MGST2: variants seen among roughly 807,000 people sequenced by gnomAD.
The protein encoded by MGST2 is glutathione peroxidase MGST2.
In MGST2, 9 loss-of-function variants were observed where a neutral mutation model predicts 16.6. The ratio of observed to expected loss-of-function variants is 0.54; its 90% CI spans 0.33 to 0.95. The LOEUF (loss-of-function observed/expected upper bound fraction) is 0.95, where lower values mean the gene tolerates loss of function less well. Among genes scored for constraint, MGST2 ranks in the 40% least tolerant of loss-of-function variants. The pLI is 0.03. For missense variants in MGST2, 159 were observed against 175.1 expected (o/e 0.91, Z 0.52); for synonymous variants, 79 against 68.0 (o/e 1.16, Z -0.79).
chr4:139,754,291 T>C, the MGST2 span, among the ~76,000 whole-genome samples: 2 of 152,244 alleles, frequency 1.3e-5, no homozygotes, highest in Non-Finnish European at 2.9e-5. Context: ...ATTATTTTCT[T>C]CTTGATTATA....
At chr4:139,713,377 A>G (rs1268490974) in intron 5 of MGST2, among the ~76,000 whole-genome samples, 1 of 150,470 alleles carries the variant, frequency 6.6e-6, no homozygotes, top group Admixed American at 6.7e-5. Context: ...TGTTTTTCCC[A>G]ATGAGTCTGT....
chr4:139,719,898 T>C (rs1728159994), intron 5 of MGST2: 1 of 1,613,904 alleles, frequency 6.2e-7, no homozygotes, highest in Admixed American at 1.7e-5. Context: ...CTCTGCAGCC[T>C]TGGAGGGGCT....
intron 5 of MGST2, among the ~76,000 whole-genome samples, chr4:139,729,333 A>C (rs1728607590): frequency 6.6e-6 from 1 of 152,096 alleles, no homozygotes; most frequent in African/African-American, 2.4e-5. Context: ...AATTTGCAAA[A>C]TTCTGGCAGG....
Position 139,715,186 on chromosome 4 carries a change from T to G in MGST2, c.*48+10990T>G, listed in dbSNP as rs900837161. Among the ~76,000 whole-genome samples, 2 of 152,102 alleles carry G rather than the reference T, an allele frequency of 1.3e-5. No individual in the cohort carries two copies. The highest frequency in any genetic ancestry group is 4.8e-5 in the African/African-American group (2 of 41,422). On this transcript the variant is annotated intron_variant, in intron 5 of 5. Transcript: ENST00000616265. The surrounding 1 kb of genome is among the most constrained non-coding windows in gnomAD (Gnocchi z 4.4). ...ATCTTAGGAGAGACTCTAACTCCAC[T>G]AAGCTGGGCCTCTAACCCAATCCCA... is the stretch of plus-strand genomic sequence containing the variant.
rs753258134 is a variant in MGST2, at chr4:139,725,762, T to G, written c.*49-14450T>G. ...TGCACTGGCCTCACCTTGAAACTGA[T>G]TGACCTGCTGCACTGGGTATGGATT... is the stretch of plus-strand genomic sequence containing the variant. On this transcript the variant is annotated intron_variant, in intron 5 of 5. Coordinates refer to the MGST2 transcript ENST00000616265. 1.2e-5 allele frequency: 19 copies of G among 1,613,864 alleles called. No individual in the cohort carries two copies. The East Asian group carries it at 2.2e-4, about 19-fold the overall frequency.
downstream of MGST2, among the ~76,000 whole-genome samples, chr4:139,706,618 T>C (rs1279346551): frequency 6.6e-6 from 1 of 152,146 alleles, no homozygotes; most frequent in East Asian, 1.9e-4. Context: ...ATCTTACAAC[T>C]GAAGATTTTT....
chr4:139,754,402 ATTTCCAACCAAAAC>A, the MGST2 span, among the ~76,000 whole-genome samples: 1 of 152,362 alleles, frequency 6.6e-6, no homozygotes, highest in South Asian at 2.1e-4. Context: ...CACTCAATGT[ATTTCCAACCAAAAC>A]ATTCATTCAA....
intron 1 of MGST2, among the ~76,000 whole-genome samples, chr4:139,671,882 T>G (rs899086452): frequency 6.6e-6 from 1 of 152,082 alleles, no homozygotes; most frequent in African/African-American, 2.4e-5. Context: ...CCTCAAGTGA[T>G]CCACCCGCCT....
At chr4:139,734,717 A>G (rs1485939289) in intron 5 of MGST2, among the ~76,000 whole-genome samples, 1 of 152,270 alleles carries the variant, frequency 6.6e-6, no homozygotes, top group East Asian at 1.9e-4. Context: ...CCAGCTGTTT[A>G]TTTATAAATC....
intron 1 of MGST2, among the ~76,000 whole-genome samples, chr4:139,667,674 A>G (rs940501491): frequency 6.6e-6 from 1 of 152,090 alleles, no homozygotes; most frequent in African/African-American, 2.4e-5. Context: ...CCTGGCCAAC[A>G]TGGTGAAACT....
chr4:139,666,701 A>T (rs1054820286), intron 1 of MGST2, among the ~76,000 whole-genome samples: 20 of 152,176 alleles, frequency 1.3e-4, no homozygotes, highest in Admixed American at 1.2e-3. Context: ...CATTTGCTCA[A>T]TTCATATTAT....
intron 3 of MGST2, among the ~76,000 whole-genome samples, chr4:139,703,191 T>G (rs1285993200): frequency 6.6e-6 from 1 of 151,916 alleles, no homozygotes; most frequent in Non-Finnish European, 1.5e-5. Flanking sequence ...CCTCTCAAAG[T>G]GTTGGGAATA....
intron 5 of MGST2, chr4:139,730,678 A>G (rs758627315): frequency 1.9e-6 from 3 of 1,608,032 alleles, no homozygotes; most frequent in Admixed American, 3.3e-5. Flanking sequence ...CTGGGAAGAC[A>G]AGAGAGAGGG....
intron 3 of MGST2, among the ~76,000 whole-genome samples, chr4:139,700,458 A>AT (rs1259175133): frequency 1.3e-5 from 2 of 152,116 alleles, no homozygotes; most frequent in African/African-American, 4.8e-5. Context: ...AGTTTTATGC[A>AT]TACATTGTCC....
At chr4:139,729,180 G>T (rs900098867) in intron 5 of MGST2, among the ~76,000 whole-genome samples, 3 of 140,278 alleles carry the variant, frequency 2.1e-5, no homozygotes, top group Admixed American at 1.4e-4. Context: ...AAAAAAAAAA[G>T]GGAACATAAG....
At chr4:139,700,234 C>G (rs895725232) in intron 3 of MGST2, among the ~76,000 whole-genome samples, 4 of 149,914 alleles carry the variant, frequency 2.7e-5, no homozygotes, top group Non-Finnish European at 5.9e-5. Flanking sequence ...CGGGTTCACG[C>G]CATTCTCCTG....
At chr4:139,712,067 T>A (rs1010628065) in intron 5 of MGST2, among the ~76,000 whole-genome samples, 9 of 152,180 alleles carry the variant, frequency 5.9e-5, no homozygotes, top group African/African-American at 2.2e-4. Context: ...TGTTCTGTAT[T>A]CCTACACAAA....
intron 5 of MGST2, among the ~76,000 whole-genome samples, chr4:139,732,361 C>A (rs1036355169): frequency 6.6e-6 from 1 of 152,106 alleles, no homozygotes; most frequent in Non-Finnish European, 1.5e-5. Context: ...TGCAGGCTTC[C>A]CTCTCCACTA....
chr4:139,702,652 C>G (rs1201426429), intron 3 of MGST2, among the ~76,000 whole-genome samples: 1 of 151,830 alleles, frequency 6.6e-6, no homozygotes, highest in East Asian at 1.9e-4. Flanking sequence ...TAAACAAGTC[C>G]TTTTGTGAAC....
Sources: gnomAD v4.1 joint callset for allele counts (sites outside exome capture counted in the v4.1 genomes callset) on GRCh38, gnomAD v4.1.1 for gene constraint, Gnocchi (gnomAD v3.1) non-coding constraint, MANE v1.5 for transcripts, NCBI Gene and HGNC (gene_info 2026-07-23, HGNC 2026-07-21) for gene names.